MAPKAPK2: variants seen among roughly 807,000 people sequenced by gnomAD.
The protein encoded by MAPKAPK2 is MAP kinase-activated protein kinase 2.
A neutral mutation model predicts 48.8 loss-of-function variants in MAPKAPK2; 9 were observed. The observed-to-expected ratio is 0.18, with a 90% CI of 0.11 to 0.32. The LOEUF is 0.32. Among genes scored for constraint, MAPKAPK2 ranks in the 10% least tolerant of loss-of-function variants. The probability of loss-of-function intolerance (pLI) is 1.00; values close to 1 mark genes in which losing one functional copy is unlikely to be tolerated. For missense variants in MAPKAPK2, 331 were observed against 498.3 expected (o/e 0.66, Z 3.20); for synonymous variants, 202 against 190.6 (o/e 1.06, Z -0.49).
At chr1:206,703,319 C>T (rs576762234) in intron 1 of MAPKAPK2, among the ~76,000 whole-genome samples, 70 of 152,316 alleles carry the variant, frequency 4.6e-4, no homozygotes, top group African/African-American at 1.6e-3. Context: ...TAATCCTGCC[C>T]AGTTAGAGAA....
chr1:206,723,004 A>AAC lies in MAPKAPK2; in HGVS notation c.280-5702_280-5701dup, dbSNP rs546267881. Among the ~76,000 whole-genome samples the AAC allele has an allele frequency of 3.1e-4, 47 of 152,360 alleles. No homozygotes were observed. In the South Asian group the frequency reaches 9.7e-3, roughly 32 times the overall value. Reference sequence around the variant, plus strand: ...GAGTGAAGAGGAGGTCTTATTTGCCAACACATACCGCACCACACACCCACA... The same window carrying AAC: ...GAGTGAAGAGGAGGTCTTATTTGCCAACACACATACCGCACCACACACCCACA... On this transcript the variant is annotated intron_variant, in intron 1 of 9. Transcript: ENST00000367103.
Position 206,732,662 on chromosome 1 carries a change from C to T in MAPKAPK2, c.1147C>T (p.Leu383=). The T allele has an allele frequency of 6.2e-7, 1 of 1,614,234 alleles. No homozygotes were observed. The highest frequency in any genetic ancestry group is 8.5e-7 in the Non-Finnish European group (1 of 1,180,042). The part of the protein sequence containing the change: ...KKIEDASNPL[L]LKRRKKARAL... ...GATTGAAGATGCATCCAACCCTCTG[C>T]TGCTGAAGAGGCGGAAGAAAGCTCG... The change falls in exon 10 of 10, where the codon CTG becomes TTG. Residue 383 remains leucine (L), a synonymous_variant. Coordinates refer to ENST00000367103, the MANE Select transcript of MAPKAPK2 (RefSeq NM_032960.4). The surrounding 1 kb of genome is among the most constrained non-coding windows in gnomAD (Gnocchi z 4.4).
chr1:206,687,802 C>A (rs1672331240), intron 1 of MAPKAPK2, among the ~76,000 whole-genome samples: 1 of 152,196 alleles, frequency 6.6e-6, no homozygotes, highest in Non-Finnish European at 1.5e-5. Context: ...AGAGGGATTA[C>A]CCCCTTGGGA....
chr1:206,707,317 G>T (rs1257015394), intron 1 of MAPKAPK2, among the ~76,000 whole-genome samples: 4 of 152,090 alleles, frequency 2.6e-5, no homozygotes, highest in African/African-American at 4.8e-5. Context: ...ATGGAGAATG[G>T]TGGGAAGGAA....
intron 1 of MAPKAPK2, among the ~76,000 whole-genome samples, chr1:206,693,891 A>G (rs782322538): frequency 5.3e-5 from 8 of 152,192 alleles, no homozygotes; most frequent in African/African-American, 9.6e-5. Flanking sequence ...GAGTCAGGCC[A>G]TGGCACCTCT....
intron 1 of MAPKAPK2, among the ~76,000 whole-genome samples, chr1:206,706,155 T>A (rs1672951258): frequency 1.4e-5 from 2 of 143,628 alleles, no homozygotes; most frequent in African/African-American, 5.1e-5. Flanking sequence ...TTTATTTATT[T>A]ATTTGCTTAA....
intron 1 of MAPKAPK2, among the ~76,000 whole-genome samples, chr1:206,722,194 A>G (rs1673541436): frequency 6.6e-6 from 1 of 151,882 alleles, no homozygotes; most frequent in African/African-American, 2.4e-5. Context: ...CCCCGTCCCT[A>G]CTAAAAATAG....
At chr1:206,687,173 A>T (rs1553425717) in intron 1 of MAPKAPK2, among the ~76,000 whole-genome samples, 2 of 152,194 alleles carry the variant, frequency 1.3e-5, no homozygotes, top group African/African-American at 4.8e-5. Context: ...CTGGCTGTTC[A>T]TTCTCTTGGA....
chr1:206,693,785 G>T (rs1363839481), intron 1 of MAPKAPK2, among the ~76,000 whole-genome samples: 1 of 152,158 alleles, frequency 6.6e-6, no homozygotes, highest in African/African-American at 2.4e-5. Context: ...CTCCACCTCC[G>T]CAGTGTGAGG....
At chr1:206,709,091 C>T (rs927296073) in intron 1 of MAPKAPK2, among the ~76,000 whole-genome samples, 6 of 152,140 alleles carry the variant, frequency 3.9e-5, no homozygotes, top group Non-Finnish European at 8.8e-5. Context: ...GTTTTCATTT[C>T]TCCTGGGTAA....
chr1:206,695,824 C>A, intron 1 of MAPKAPK2: 1 of 456,938 alleles, frequency 2.2e-6, no homozygotes, highest in South Asian at 2.2e-5. Context: ...TTTGAGGAGT[C>A]CTGTGCACAG....
rs1480422040 is a variant in MAPKAPK2 at position 206,734,042 on chromosome 1, T to G, written c.*1324T>G. ...GATGAGGAGCAGCTGGGGTAGGCTG[T>G]CTGTGCCATGGCCCCCCACTCCCCC... On this transcript the variant is annotated 3_prime_UTR_variant, in exon 10 of 10. Coordinates refer to ENST00000367103, the MANE Select transcript of MAPKAPK2 (RefSeq NM_032960.4). 5.2e-5 allele frequency: 8 copies of G among 152,652 alleles called. No homozygotes were observed. The highest frequency in any genetic ancestry group is 2.1e-4 in the South Asian group (1 of 4,824). The allele number at this position is 152,652 out of a possible 1,614,324, so 9.5% of individuals were successfully genotyped here.
intron 1 of MAPKAPK2, among the ~76,000 whole-genome samples, chr1:206,688,392 C>T (rs1672349089): frequency 6.6e-6 from 1 of 152,282 alleles, no homozygotes; most frequent in Non-Finnish European, 1.5e-5. Flanking sequence ...TGGCCACCTG[C>T]TGCTCCAGGG....
chr1:206,720,984 C>T (rs1332682080), intron 1 of MAPKAPK2, among the ~76,000 whole-genome samples: 1 of 152,188 alleles, frequency 6.6e-6, no homozygotes, highest in Non-Finnish European at 1.5e-5. Flanking sequence ...TTACTTATCT[C>T]TGGGCCTTAA....
At chr1:206,719,191 A>C (rs985812625) in intron 1 of MAPKAPK2, among the ~76,000 whole-genome samples, 1 of 152,184 alleles carries the variant, frequency 6.6e-6, no homozygotes, top group Non-Finnish European at 1.5e-5. Flanking sequence ...ATGTGTTGGA[A>C]ATATTTTAAA....
chr1:206,698,358 A>G (rs1253551608), intron 1 of MAPKAPK2, among the ~76,000 whole-genome samples: 1 of 152,182 alleles, frequency 6.6e-6, no homozygotes, highest in Non-Finnish European at 1.5e-5. Flanking sequence ...AGCAGCTTAG[A>G]CTAGACCCCT....
At chr1:206,703,484 G>T (rs1009269420) in intron 1 of MAPKAPK2, among the ~76,000 whole-genome samples, 26 of 152,174 alleles carry the variant, frequency 1.7e-4, no homozygotes, top group African/African-American at 4.6e-4. Flanking sequence ...TGGAGAGCAG[G>T]TGGGAGGTGC....
At chr1:206,699,342 G>A (rs1028880415) in intron 1 of MAPKAPK2, among the ~76,000 whole-genome samples, 1 of 152,196 alleles carries the variant, frequency 6.6e-6, no homozygotes, top group African/African-American at 2.4e-5. Context: ...AGGAAGTAGA[G>A]GGTGGGATCA....
Position 206,699,418 on chromosome 1 carries a change from G to A in MAPKAPK2, c.279+13910G>A, listed in dbSNP as rs185321410. On this transcript the variant is annotated intron_variant, in intron 1 of 9. Transcript: ENST00000367103. ...TGTGACACAGCCAGGGGAGGGTGCA[G>A]ATGAAAATACGTCCAGTGGGATGGT... 1.6e-4 allele frequency among the ~76,000 whole-genome samples: 25 copies of A among 152,358 alleles called. 1 individual carries two copies. Among genetic ancestry groups the A allele is most frequent in the African/African-American group, 6.0e-4 (25 of 41,588 alleles).
Sources: allele counts gnomAD v4.1 joint callset (sites outside exome capture counted in the v4.1 genomes callset), GRCh38; gene constraint gnomAD v4.1.1; non-coding constraint Gnocchi (gnomAD v3.1); transcripts MANE v1.5; gene names NCBI Gene and HGNC (gene_info 2026-07-23, HGNC 2026-07-21).